PPRC1: variants seen among roughly 807,000 people sequenced by gnomAD.
PPRC1 encodes peroxisome proliferator-activated receptor gamma coactivator-related protein 1.
PPRC1 carries 23 observed loss-of-function variants against 132.5 expected under a neutral mutation model. The ratio of observed to expected loss-of-function variants is 0.17; its 90% CI spans 0.12 to 0.25. The LOEUF is 0.25. Ranked by LOEUF, PPRC1 falls within the 10% of genes least tolerant of loss-of-function variation. The probability of loss-of-function intolerance (pLI) is 1.00; values close to 1 mark genes in which losing one functional copy is unlikely to be tolerated. For missense variants in PPRC1, 2,006 were observed against 2,089.1 expected, an observed-to-expected ratio of 0.96 and a Z score of 0.78; for synonymous variants, 872 against 833.5, an observed-to-expected ratio of 1.05 and a Z score of -0.80.
upstream of PPRC1, among the ~76,000 whole-genome samples, chr10:102,128,962 C>T (rs2068502829): frequency 8.0e-6 from 1 of 124,654 alleles, no homozygotes; most frequent in South Asian, 2.8e-4. Flanking sequence ...CGGAGTCTCG[C>T]TCTGTCACCC....
At position 102,137,887 on chromosome 10, in the gene PPRC1, TC is replaced by T; in HGVS notation, c.192del (p.Ser65ValfsTer9). ...GAGGAGGCGGGTGATTCTGGCTTTG[TC>T]AGTCTCTCTCGGCTGGGCCCATCTC... is the stretch of plus-strand genomic sequence containing the variant. ...LHEEAGDSGF[V>X]SLSRLGPSLR... On this transcript the variant is annotated frameshift_variant, in exon 2 of 14. Coordinates refer to ENST00000278070, the MANE Select transcript of PPRC1 (RefSeq NM_015062.5). LOFTEE classifies it high-confidence loss of function. The T allele has an allele frequency of 6.2e-7, 1 of 1,614,064 alleles. No homozygotes were observed. The highest frequency in any genetic ancestry group is 8.5e-7 in the Non-Finnish European group (1 of 1,179,996).
At chr10:102,145,676 A>C (rs2069199893) in intron 8 of PPRC1, among the ~76,000 whole-genome samples, 1 of 152,016 alleles carries the variant, frequency 6.6e-6, no homozygotes, top group African/African-American at 2.4e-5. Flanking sequence ...CATCCTGGCT[A>C]ACATGGTGAA....
At chr10:102,146,238 T>C (rs1004130569) in intron 8 of PPRC1, among the ~76,000 whole-genome samples, 1 of 152,224 alleles carries the variant, frequency 6.6e-6, no homozygotes, top group Non-Finnish European at 1.5e-5. Flanking sequence ...GAAGAAACTT[T>C]GCCAGATTGG....
intron 1 of PPRC1, among the ~76,000 whole-genome samples, chr10:102,133,928 C>A (rs1164706163): frequency 6.6e-6 from 1 of 151,522 alleles, no homozygotes; most frequent in East Asian, 1.9e-4. Flanking sequence ...CTCTCCACTG[C>A]GGATGGTGAA....
rs372679125 is a variant in PPRC1, at chr10:102,139,859, C to A, written c.1351C>A (p.Pro451Thr). Residue 451 changes from proline to threonine, a missense_variant, in exon 5 of 14, where the codon CCA becomes ACA. By Grantham distance (38) the Pro-to-Thr change is conservative. Transcript: ENST00000278070. ...EPQNPPANAAPGSQRARKGRK... is the reference protein window; with the variant it reads ...EPQNPPANAATGSQRARKGRK... ...TCAGAACCCACCTGCCAATGCAGCA[C>A]CAGGTTCCCAGAGAGCTCGAAAGGG... 9 of 1,614,086 alleles carry A rather than the reference C, an allele frequency of 5.6e-6. No individual in the cohort carries two copies. In the African/African-American group the frequency reaches 1.2e-4, roughly 22 times the overall value.
chr10:102,138,561 TG>T, intron 2 of PPRC1, 57 bp from the exon 3 acceptor site: 1 of 1,584,274 alleles, frequency 6.3e-7, no homozygotes, highest in South Asian at 1.1e-5. Flanking sequence ...CAGTCCTTAG[TG>T]GCATAGTAGG....
At position 102,139,495 on chromosome 10, in the gene PPRC1, G is replaced by C; in HGVS notation, c.987G>C (p.Glu329Asp). 1 of 1,614,088 alleles carries C rather than the reference G, an allele frequency of 6.2e-7. No individual in the cohort carries two copies. The highest frequency in any genetic ancestry group is 8.5e-7 in the Non-Finnish European group (1 of 1,179,982). Residue 329 changes from glutamate to aspartate, a missense_variant, in exon 5 of 14, where the codon GAG (glutamate) becomes GAC (aspartate). By Grantham distance (45) the Glu-to-Asp change is conservative. Coordinates refer to ENST00000278070, the MANE Select transcript of PPRC1 (RefSeq NM_015062.5). Reference sequence around the variant, plus strand: ...CCCACCTGGCATCACTTGAGGATGAGCTTCAGGAGCAGCCAGATGATTTGA... The same window carrying C: ...CCCACCTGGCATCACTTGAGGATGACCTTCAGGAGCAGCCAGATGATTTGA... ...NLTHLASLED[E>D]LQEQPDDLTL...
the PPRC1 span, chr10:102,120,038 A>G: frequency 7.2e-7 from 1 of 1,383,714 alleles, no homozygotes; most frequent in East Asian, 3.0e-5. Flanking sequence ...AGGGGTCCGC[A>G]GGGACGGCTG....
chr10:102,141,845 C>T lies in PPRC1; in HGVS notation c.3337C>T (p.Pro1113Ser), dbSNP rs200060696. The change falls in exon 5 of 14, where the codon CCC becomes TCC. Residue 1113 changes from proline to serine, a missense_variant. Pro to Ser is a moderately conservative substitution (Grantham distance 74, BLOSUM62 -1). Around this residue, in one of 2 missense-constraint regions of PPRC1, gnomAD observed 1,914 missense variants for 1,917.2 expected, o/e 1.00. Transcript: ENST00000278070. ...CCAAGAGACCAGGCCCAGGGAGAAGCCCCCCTTGCCTGCTACCAAGGCTGT... is the reference window on the plus strand; with the variant it reads ...CCAAGAGACCAGGCCCAGGGAGAAGTCCCCCTTGCCTGCTACCAAGGCTGT... ...ETQETRPREK[P>S]PLPATKAVPT... 1 of 1,614,016 alleles carries T rather than the reference C, an allele frequency of 6.2e-7. No individual in the cohort carries two copies. The highest frequency in any genetic ancestry group is 1.1e-5 in the South Asian group (1 of 91,062).
chr10:102,138,526 C>G, intron 2 of PPRC1, 93 bp from the exon 3 acceptor site: 1 of 1,473,504 alleles, frequency 6.8e-7, no homozygotes, highest in South Asian at 1.3e-5. Context: ...TGAGTTGAAC[C>G]TGGGAGACTG....
rs1167184337 is a variant in PPRC1 at position 102,148,717 on chromosome 10, G to A, written c.4617+23G>A. 3 of 1,614,132 alleles carry A rather than the reference G, an allele frequency of 1.9e-6. No homozygotes were observed. The African/African-American group carries it at 4.0e-5, about 22-fold the overall frequency. On this transcript the variant is annotated intron_variant, in intron 11 of 13. Coordinates refer to ENST00000278070, the MANE Select transcript of PPRC1 (RefSeq NM_015062.5). This position sits in a 1 kb window ranked among gnomAD's most constrained non-coding sequence, Gnocchi z 4.2. The stretch of plus-strand genomic sequence containing the variant: ...ATAGTGAGTAGAGGAACAGATCATG[G>A]GAGGATGGGGCTTACCCCCTGAGCC...
chr10:102,127,018 A>ATTTT, the PPRC1 span, among the ~76,000 whole-genome samples: 3 of 69,754 alleles, frequency 4.3e-5, no homozygotes, highest in Non-Finnish European at 8.5e-5. Context: ...ATGGTTTTTT[A>ATTTT]TCATATATAT....
At chr10:102,127,019 T>TTTTATATATATATATATATA in the PPRC1 span, among the ~76,000 whole-genome samples, 3 of 78,884 alleles carry the variant, frequency 3.8e-5, no homozygotes, top group Non-Finnish European at 5.2e-5. Context: ...TGGTTTTTTA[T>TTTTATATATATATATATATA]CATATATATA....
intron 1 of PPRC1, among the ~76,000 whole-genome samples, chr10:102,133,774 C>T (rs902097259): frequency 1.3e-5 from 2 of 151,632 alleles, no homozygotes; most frequent in African/African-American, 4.8e-5. Flanking sequence ...CTGGCTGACG[C>T]GAACTGGGTG....
intron 1 of PPRC1, among the ~76,000 whole-genome samples, chr10:102,134,566 G>C (rs184094573): frequency 6.6e-6 from 1 of 152,290 alleles, no homozygotes; most frequent in African/African-American, 2.4e-5. Context: ...GCTGCAGGCT[G>C]CCTGGTAATA....
upstream of PPRC1, chr10:102,132,917 G>C: frequency 8.9e-7 from 1 of 1,127,358 alleles, no homozygotes; most frequent in Non-Finnish European, 1.1e-6. Context: ...CGAGGCCAGG[G>C]CCTTCTTCCA....
At chr10:102,127,597 G>A in the PPRC1 span, among the ~76,000 whole-genome samples, 16 of 151,886 alleles carry the variant, frequency 1.1e-4, no homozygotes, top group South Asian at 2.7e-3. Flanking sequence ...TAGTAGAGAC[G>A]GGGTTTCACT....
rs768823031 is a variant in PPRC1 at position 102,141,456 on chromosome 10, G to A, written c.2948G>A (p.Gly983Glu). The change falls in exon 5 of 14, where the codon GGA becomes GAA. Residue 983 changes from glycine (G) to glutamate (E), a missense_variant. Physicochemically the swap from Gly to Glu is moderately conservative, Grantham distance 98. Coordinates refer to ENST00000278070, the MANE Select transcript of PPRC1 (RefSeq NM_015062.5). ...YSSTCTYGPL[G>E]WGPGPQHAPF... is the part of the protein sequence containing the mutation. Reference sequence around the variant, plus strand: ...TCCACATGTACCTATGGGCCCTTGGGATGGGGCCCAGGGCCTCAACATGCT... The same window carrying A: ...TCCACATGTACCTATGGGCCCTTGGAATGGGGCCCAGGGCCTCAACATGCT... 1 of 1,613,816 alleles carries A rather than the reference G, an allele frequency of 6.2e-7. No homozygotes were observed. Among genetic ancestry groups the A allele is most frequent in the South Asian group, 1.1e-5 (1 of 91,080 alleles).
chr10:102,140,437 C>T lies in PPRC1; in HGVS notation c.1929C>T (p.Asp643=), dbSNP rs1418727453. The change falls in exon 5 of 14, where the codon GAC becomes GAT. Residue 643 remains aspartate (D), a synonymous_variant. Coordinates refer to ENST00000278070, the MANE Select transcript of PPRC1 (RefSeq NM_015062.5). The part of the protein sequence containing the change: ...NPVLADSAAV[D]PAVVPISDNL... ...TCCTGGCTGACTCAGCAGCAGTTGA[C>T]CCTGCAGTGGTTCCCATCTCAGATA... The T allele has an allele frequency of 1.5e-5, 24 of 1,614,052 alleles. No individual in the cohort carries two copies. Among genetic ancestry groups the T allele is most frequent in the Non-Finnish European group, 1.9e-5 (23 of 1,180,050 alleles).
Sources: gnomAD v4.1 joint callset for allele counts (sites outside exome capture counted in the v4.1 genomes callset) on GRCh38, gnomAD v4.1.1 for gene constraint, gnomAD v4.1.1 regional missense constraint, Gnocchi (gnomAD v3.1) non-coding constraint, MANE v1.5 for transcripts, NCBI Gene and HGNC (gene_info 2026-07-23, HGNC 2026-07-21) for gene names.